Variants in LSAMP observed in about 807,000 individuals in gnomAD.
The protein encoded by LSAMP is limbic system-associated membrane protein.
A neutral mutation model predicts 38.6 loss-of-function variants in LSAMP; 7 were observed. The ratio of observed to expected loss-of-function variants is 0.18; its 90% CI spans 0.10 to 0.34. The LOEUF (loss-of-function observed/expected upper bound fraction) is 0.34. Ranked by LOEUF, LSAMP falls within the 10% of genes least tolerant of loss-of-function variation. The probability of loss-of-function intolerance (pLI) is 1.00; values close to 1 mark genes in which losing one functional copy is unlikely to be tolerated. For missense variants in LSAMP, 313 were observed against 420.0 expected, an observed-to-expected ratio of 0.75 and a Z score of 2.23; for synonymous variants, 154 against 166.8, an observed-to-expected ratio of 0.92 and a Z score of 0.59.
chr3:116,440,995 T>A (rs537745538), intron 1 of LSAMP, among the ~76,000 whole-genome samples: 1 of 152,318 alleles, frequency 6.6e-6, no homozygotes, highest in South Asian at 2.1e-4. Flanking sequence ...TTGAACAAGA[T>A]CTTTATATTT....
chr3:116,131,920 T>C (rs1195269436), intron 1 of LSAMP, among the ~76,000 whole-genome samples: 6 of 151,806 alleles, frequency 4.0e-5, no homozygotes, highest in African/African-American at 1.2e-4. Context: ...CTCCACCTCC[T>C]GGGTTCAAGT....
At chr3:115,931,940 T>C (rs1937586696) in intron 3 of LSAMP, among the ~76,000 whole-genome samples, 1 of 152,068 alleles carries the variant, frequency 6.6e-6, no homozygotes, top group Admixed American at 6.6e-5. Context: ...CAGCAAACAA[T>C]AGATACCTAG....
At chr3:116,170,380 A>G (rs1023195169) in intron 1 of LSAMP, among the ~76,000 whole-genome samples, 1 of 152,198 alleles carries the variant, frequency 6.6e-6, no homozygotes, top group East Asian at 1.9e-4. Flanking sequence ...ACTCTGTGAA[A>G]ATTTAACAAC....
intron 1 of LSAMP, among the ~76,000 whole-genome samples, chr3:116,405,039 A>G (rs1268713574): frequency 1.3e-5 from 2 of 152,140 alleles, no homozygotes; most frequent in Non-Finnish European, 2.9e-5. Context: ...TTGGATTCAG[A>G]GGCTAAGAGT....
At chr3:116,041,804 A>C (rs111990826) in intron 2 of LSAMP, among the ~76,000 whole-genome samples, 1,598 of 142,856 alleles carry the variant, frequency 0.011, 43 homozygotes, top group African/African-American at 0.045. Context: ...TGCAAAAAAA[A>C]ACAAAACAAA....
chr3:115,874,462 A>T (rs1284713576), intron 3 of LSAMP, among the ~76,000 whole-genome samples: 1 of 152,114 alleles, frequency 6.6e-6, no homozygotes, highest in Non-Finnish European at 1.5e-5. Context: ...CTGTACTATC[A>T]TCATTTGTAT....
intron 2 of LSAMP, among the ~76,000 whole-genome samples, chr3:116,069,438 C>T (rs190558594): frequency 6.6e-6 from 1 of 152,084 alleles, no homozygotes; most frequent in Admixed American, 6.6e-5. Flanking sequence ...TTGTTAGCAG[C>T]CGAAAGATTT....
chr3:116,296,704 A>G (rs1032522115), intron 1 of LSAMP, among the ~76,000 whole-genome samples: 2 of 150,250 alleles, frequency 1.3e-5, no homozygotes, highest in South Asian at 4.2e-4. Flanking sequence ...CAAAAAAAAA[A>G]AAAAAAAAAA....
intron 3 of LSAMP, among the ~76,000 whole-genome samples, chr3:115,996,522 CTTAAA>C (rs1559912951): frequency 6.6e-6 from 1 of 151,820 alleles, no homozygotes; most frequent in Non-Finnish European, 1.5e-5. Flanking sequence ...AAGTTTTCCC[CTTAAA>C]TTAAAAAAAA....
intron 1 of LSAMP, among the ~76,000 whole-genome samples, chr3:116,433,275 C>T (rs1050495863): frequency 6.6e-6 from 1 of 151,702 alleles, no homozygotes; most frequent in Non-Finnish European, 1.5e-5. Flanking sequence ...CAAATAGTAG[C>T]ATAACTAAAG....
At chr3:115,983,338 T>C (rs1939418189) in intron 3 of LSAMP, among the ~76,000 whole-genome samples, 1 of 151,982 alleles carries the variant, frequency 6.6e-6, no homozygotes, top group South Asian at 2.1e-4. Context: ...CACTATAGAC[T>C]TCATCTCTAA....
chr3:116,078,264 G>A (rs1707790570), intron 2 of LSAMP, among the ~76,000 whole-genome samples: 1 of 146,980 alleles, frequency 6.8e-6, no homozygotes, highest in Admixed American at 6.7e-5. Context: ...AATACAAAAG[G>A]GCTTTATATC....
At chr3:116,109,404 T>C (rs1708546254) in intron 1 of LSAMP, among the ~76,000 whole-genome samples, 1 of 151,742 alleles carries the variant, frequency 6.6e-6, no homozygotes, top group South Asian at 2.1e-4. Flanking sequence ...AAAGGAAGAT[T>C]AGAAAGACTC....
rs1272758193 is a variant in LSAMP at position 115,854,276 on chromosome 3, A to ATT, written c.515-1661_515-1660dup. On this transcript the variant is annotated intron_variant, in intron 3 of 6. Coordinates refer to ENST00000490035, the MANE Select transcript of LSAMP (RefSeq NM_002338.5). ...TATTATTATTATTATTATTATTATT[A>ATT]TTATTATTTTTTTTTTTTTTTTTTG... Among the ~76,000 whole-genome samples the ATT allele has an allele frequency of 5.9e-4, 71 of 119,576 alleles. 3 individuals are homozygous for ATT. Among genetic ancestry groups the ATT allele is most frequent in the Non-Finnish European group, 8.1e-4 (47 of 58,012 alleles). The allele number at this position is 119,576 out of a possible 152,430, so 78.4% of individuals were successfully genotyped here. A position where few individuals can be genotyped will look rare whatever the true frequency, so the allele number is the denominator to read the frequency against.
chr3:115,820,172 A>G (rs59087536), intron 6 of LSAMP, among the ~76,000 whole-genome samples: 12,461 of 152,128 alleles, frequency 0.082, 776 homozygotes, highest in African/African-American at 0.18. Context: ...ATGTTCGTGA[A>G]TCGAACTGCA....
At chr3:116,001,270 A>C (rs955638793) in intron 3 of LSAMP, among the ~76,000 whole-genome samples, 1 of 152,250 alleles carries the variant, frequency 6.6e-6, no homozygotes, top group African/African-American at 2.4e-5. Context: ...AATTCTTTGA[A>C]TATTAGTCAC....
chr3:116,091,570 C>A (rs1036382010), intron 1 of LSAMP, among the ~76,000 whole-genome samples: 4 of 152,272 alleles, frequency 2.6e-5, no homozygotes, highest in African/African-American at 9.6e-5. Context: ...AATAAATGTC[C>A]ATAAAATCTT....
At chr3:116,439,307 TGA>T (rs2049398804) in intron 1 of LSAMP, among the ~76,000 whole-genome samples, 1 of 145,880 alleles carries the variant, frequency 6.9e-6, no homozygotes, top group African/African-American at 2.6e-5. Context: ...GCATAGGTCC[TGA>T]GATTTTGTTG....
chr3:115,874,306 C>G (rs1936126401), intron 3 of LSAMP, among the ~76,000 whole-genome samples: 1 of 152,128 alleles, frequency 6.6e-6, no homozygotes, highest in Admixed American at 6.6e-5. Flanking sequence ...GGAAGTCTGT[C>G]TCAGCATCTT....
Sources: allele counts gnomAD v4.1 joint callset (sites outside exome capture counted in the v4.1 genomes callset), GRCh38; gene constraint gnomAD v4.1.1; transcripts MANE v1.5; gene names NCBI Gene and HGNC (gene_info 2026-07-23, HGNC 2026-07-21).